Variants in ZMIZ1 observed in about 807,000 individuals in gnomAD.
ZMIZ1 encodes the protein zinc finger MIZ-type containing 1.
ZMIZ1 carries 17 observed loss-of-function variants against 113.9 expected under a neutral mutation model. That is an observed-to-expected ratio of 0.15 (90% confidence interval 0.10 to 0.22). ZMIZ1 has a LOEUF of 0.22. Ranked by LOEUF, ZMIZ1 falls within the 10% of genes least tolerant of loss-of-function variation. ZMIZ1 has a pLI of 1.00. For synonymous variants in ZMIZ1, 607 were observed against 603.1 expected (o/e 1.01, Z -0.09); for missense variants, 1,059 against 1,477.8 (o/e 0.72, Z 4.65).
chr10:79,114,143 C>T (rs73298168), intron 1 of ZMIZ1, among the ~76,000 whole-genome samples: 1,618 of 152,330 alleles, frequency 0.011, 26 homozygotes, highest in African/African-American at 0.036. Flanking sequence ...CTTCCCTGCC[C>T]GGCAGGAGCT....
intron 4 of ZMIZ1, among the ~76,000 whole-genome samples, chr10:79,164,956 C>G (rs962907042): frequency 2.0e-5 from 3 of 152,184 alleles, no homozygotes; most frequent in Non-Finnish European, 2.9e-5. Flanking sequence ...CGCTGAGGCA[C>G]CAGTGCCTGC....
At chr10:79,310,434 C>A (rs2132107268) in intron 23 of ZMIZ1, among the ~76,000 whole-genome samples, 1 of 152,372 alleles carries the variant, frequency 6.6e-6, no homozygotes. Flanking sequence ...TTGGGAGGTG[C>A]AGACCCAGTC....
At chr10:79,157,752 C>T (rs543674837) in intron 3 of ZMIZ1, among the ~76,000 whole-genome samples, 2 of 152,182 alleles carry the variant, frequency 1.3e-5, no homozygotes, top group Admixed American at 1.3e-4. Context: ...GGCAGCCAGC[C>T]CCATTTGGAT....
At chr10:79,262,853 G>A (rs1851355336) in intron 7 of ZMIZ1, among the ~76,000 whole-genome samples, 1 of 152,250 alleles carries the variant, frequency 6.6e-6, no homozygotes, top group African/African-American at 2.4e-5. Context: ...TGGGCAATCT[G>A]CTGGGGACTT....
chr10:79,236,890 T>C (rs960744953), intron 7 of ZMIZ1, among the ~76,000 whole-genome samples: 5 of 152,234 alleles, frequency 3.3e-5, no homozygotes, highest in Admixed American at 3.3e-4. Flanking sequence ...AAAGTCCCAG[T>C]TGACATGGAG....
intron 7 of ZMIZ1, among the ~76,000 whole-genome samples, chr10:79,272,377 C>T (rs1479165474): frequency 1.3e-5 from 2 of 152,200 alleles, no homozygotes; most frequent in African/African-American, 2.4e-5. Context: ...GTACTGTTTG[C>T]CTAAGGTCAC....
Position 79,277,235 on chromosome 10 carries a change from A to C in ZMIZ1, c.335A>C (p.Gln112Pro). 2 of 1,589,576 alleles carry C rather than the reference A, an allele frequency of 1.3e-6. No homozygotes were observed. The highest frequency in any genetic ancestry group is 1.7e-6 in the Non-Finnish European group (2 of 1,168,222). The stretch of plus-strand genomic sequence containing the variant: ...GGCCGCCTGCTGCTGCTCCGACATC[A>C]GAAGAGCCGCCAGAGCGATCCCCCT... ...ELGRLLLLRH[Q>P]KSRQSDPPGK... Residue 112 changes from glutamine (Q) to proline (P), a missense_variant, in exon 8 of 25, where the codon CAG becomes CCG. This residue lies in a region of ZMIZ1 where 272 missense variants were observed against 350.4 expected (regional missense o/e 0.78). Coordinates refer to ENST00000334512, the MANE Select transcript of ZMIZ1 (RefSeq NM_020338.4).
At chr10:79,171,878 C>T (rs994146008) in intron 4 of ZMIZ1, among the ~76,000 whole-genome samples, 2 of 152,178 alleles carry the variant, frequency 1.3e-5, no homozygotes, top group South Asian at 2.1e-4. Flanking sequence ...CCAGCAAGGA[C>T]GGAGCCATGC....
chr10:79,238,239 G>A (rs559592373), intron 7 of ZMIZ1, among the ~76,000 whole-genome samples: 1 of 152,198 alleles, frequency 6.6e-6, no homozygotes, highest in Non-Finnish European at 1.5e-5. Context: ...CTTCTCGGAG[G>A]TACTGAGTGG....
chr10:79,117,115 C>T (rs563798904), intron 1 of ZMIZ1, among the ~76,000 whole-genome samples: 1 of 152,276 alleles, frequency 6.6e-6, no homozygotes, highest in Non-Finnish European at 1.5e-5. Context: ...AAGACAGACA[C>T]CTCCCTCCAT....
chr10:79,247,032 T>G (rs1338381348), intron 7 of ZMIZ1, among the ~76,000 whole-genome samples: 1 of 152,200 alleles, frequency 6.6e-6, no homozygotes, highest in Non-Finnish European at 1.5e-5. Context: ...GAGGGTTAGC[T>G]TCCTGTGGCC....
intron 4 of ZMIZ1, among the ~76,000 whole-genome samples, chr10:79,199,814 C>G (rs1323407664): frequency 6.6e-6 from 1 of 152,098 alleles, no homozygotes; most frequent in African/African-American, 2.4e-5. Context: ...TGTTCAGACA[C>G]ACATGGAGCA....
At chr10:79,302,286 C>T in intron 18 of ZMIZ1, 74 bp downstream of exon 18, 6 of 1,458,560 alleles carry the variant, frequency 4.1e-6, no homozygotes, top group Non-Finnish European at 5.7e-6. Flanking sequence ...AAGCAGTCAC[C>T]ATTCACCTGG....
At chr10:79,289,648 A>G (rs1853330882) in intron 8 of ZMIZ1, 127 bp from the exon 9 acceptor site, 2 of 787,082 alleles carry the variant, frequency 2.5e-6, no homozygotes, top group Non-Finnish European at 2.1e-6. Flanking sequence ...GGGGTCCAGT[A>G]CCGACTCGGA....
chr10:79,175,702 C>T (rs1235683216), intron 4 of ZMIZ1, among the ~76,000 whole-genome samples: 1 of 151,644 alleles, frequency 6.6e-6, no homozygotes, highest in African/African-American at 2.4e-5. Context: ...CTCATCTCTG[C>T]CCATCCTTGG....
chr10:79,220,446 G>T (rs1564532889), intron 7 of ZMIZ1, among the ~76,000 whole-genome samples: 1 of 152,140 alleles, frequency 6.6e-6, no homozygotes, highest in South Asian at 2.1e-4. Context: ...CGGTGTGCCT[G>T]TGTGGGGATG....
intron 7 of ZMIZ1, among the ~76,000 whole-genome samples, chr10:79,245,183 C>A (rs1850118284): frequency 6.6e-6 from 1 of 152,238 alleles, no homozygotes; most frequent in South Asian, 2.1e-4. Flanking sequence ...CTGCCCTGCA[C>A]AGCCCTCCCC....
intron 8 of ZMIZ1, chr10:79,285,495 C>T (rs1462648640): frequency 1.3e-5 from 6 of 455,932 alleles, no homozygotes; most frequent in Non-Finnish European, 1.3e-5. Context: ...GTGGTTTCAT[C>T]GCTTCCCTCT....
At chr10:79,239,611 C>T (rs1236622681) in intron 7 of ZMIZ1, among the ~76,000 whole-genome samples, 1 of 152,292 alleles carries the variant, frequency 6.6e-6, no homozygotes, top group South Asian at 2.1e-4. Flanking sequence ...TCATTGTTCT[C>T]CCTCTAAGCG....
Sources: allele counts gnomAD v4.1 joint callset (sites outside exome capture counted in the v4.1 genomes callset), GRCh38; gene constraint gnomAD v4.1.1; regional missense constraint gnomAD v4.1.1; transcripts MANE v1.5; gene names NCBI Gene and HGNC (gene_info 2026-07-23, HGNC 2026-07-21).